KHK: variants seen among roughly 807,000 people sequenced by gnomAD.
The protein encoded by KHK is ketohexokinase, also known as fructokinase.
Under a neutral mutation model 36.0 loss-of-function variants are expected in KHK, and 37 were observed. That is an observed-to-expected ratio of 1.03 (90% confidence interval 0.79 to 1.35). The LOEUF (loss-of-function observed/expected upper bound fraction) is 1.35, where lower values mean the gene tolerates loss of function less well. Among genes scored for constraint, KHK ranks in the 40% most tolerant of loss-of-function variants. KHK has a pLI of 0.00. For synonymous variants in KHK, 161 were observed against 162.8 expected (o/e 0.99, Z 0.08); for missense variants, 395 against 391.9 (o/e 1.01, Z -0.07).
At chr2:27,094,301 C>T in intron 2 of KHK, 1 of 745,116 alleles carries the variant, frequency 1.3e-6, no homozygotes, top group Admixed American at 1.9e-5. Context: ...GCTCTGCACT[C>T]CTGCATCTCC....
intron 2 of KHK, among the ~76,000 whole-genome samples, chr2:27,093,370 G>A (rs1312527216): frequency 6.6e-6 from 1 of 152,166 alleles, no homozygotes; most frequent in Non-Finnish European, 1.5e-5. Context: ...CTGAGCTAGA[G>A]GCAGGACTGT....
At chr2:27,096,235 G>C (rs931289474) in intron 3 of KHK, among the ~76,000 whole-genome samples, 3 of 152,178 alleles carry the variant, frequency 2.0e-5, no homozygotes, top group Non-Finnish European at 4.4e-5. Flanking sequence ...GTGCTACCTT[G>C]ACCTCAGGGT....
chr2:27,095,232 G>C (rs140948100), intron 3 of KHK, among the ~76,000 whole-genome samples: 368 of 152,324 alleles, frequency 2.4e-3, no homozygotes, highest in African/African-American at 8.4e-3. Flanking sequence ...TTATTAAATC[G>C]TTAATCAGCA....
chr2:27,096,143 G>A (rs1158581586), intron 3 of KHK, among the ~76,000 whole-genome samples: 1 of 152,218 alleles, frequency 6.6e-6, no homozygotes. Flanking sequence ...GCTGAGTTGA[G>A]GTCTCTGGCT....
At chr2:27,098,492 A>AAT (rs1171310227) in intron 5 of KHK, among the ~76,000 whole-genome samples, 1 of 151,814 alleles carries the variant, frequency 6.6e-6, no homozygotes, top group Non-Finnish European at 1.5e-5. Context: ...AAAAAAAAAA[A>AAT]ATTCCTGGCA....
chr2:27,099,393 AC>A (rs1670639252), intron 6 of KHK, 26 bp from the exon 7 acceptor site: 1 of 1,612,386 alleles, frequency 6.2e-7, no homozygotes, highest in Non-Finnish European at 8.5e-7. Context: ...GTGGGCTAAC[AC>A]CCAGCTGAGT....
At chr2:27,088,210 G>C (rs1350150859) in intron 1 of KHK, among the ~76,000 whole-genome samples, 2 of 145,372 alleles carry the variant, frequency 1.4e-5, no homozygotes, top group Non-Finnish European at 3.0e-5. Context: ...AGACTCAAGT[G>C]ATCCTCCCAC....
At chr2:27,097,379 G>A in intron 4 of KHK, 124 bp from the exon 5 acceptor site, 1 of 1,213,466 alleles carries the variant, frequency 8.2e-7, no homozygotes, top group Non-Finnish European at 1.2e-6. Flanking sequence ...ATTTAGGATG[G>A]GGTTCTAGCC....
intron 5 of KHK, among the ~76,000 whole-genome samples, chr2:27,098,543 A>G (rs1477164181): frequency 4.0e-5 from 6 of 151,206 alleles, no homozygotes; most frequent in Non-Finnish European, 8.8e-5. Flanking sequence ...CAGGAGGCTG[A>G]GGCAGGAGGA....
At position 27,100,179 on chromosome 2, in the gene KHK, A is replaced by G; in HGVS notation, c.*429A>G. The G allele has an allele frequency of 2.2e-6, 1 of 464,174 alleles. No individual in the cohort carries two copies. Among genetic ancestry groups the G allele is most frequent in the East Asian group, 4.4e-5 (1 of 22,712 alleles). The allele number at this position is 464,174 out of a possible 1,614,324, so 28.8% of individuals were successfully genotyped here. ...GACACTCGGTGCCCCACACCCAGTG[A>G]ACCTGCCAAAGAAACCGTGAGAGCT... On this transcript the variant is annotated 3_prime_UTR_variant, in exon 8 of 8. Coordinates refer to ENST00000260598, the MANE Select transcript of KHK (RefSeq NM_006488.3).
Position 27,087,371 on chromosome 2 carries a change from C to G in KHK, c.92+20C>G, listed in dbSNP as rs1408322328. 4 of 1,549,864 alleles carry G rather than the reference C, an allele frequency of 2.6e-6. No homozygotes were observed. In the Admixed American group the frequency reaches 5.7e-5, roughly 22 times the overall value. ...GATAAGGTAGGGGCGCCCAGGTCCC[C>G]TAGGGGACCCCAGGGGCTGCTGCAG... On this transcript the variant is annotated intron_variant, in intron 1 of 7. Coordinates refer to ENST00000260598, the MANE Select transcript of KHK (RefSeq NM_006488.3).
At chr2:27,098,115 G>A (rs2148366000) in intron 5 of KHK, among the ~76,000 whole-genome samples, 1 of 152,298 alleles carries the variant, frequency 6.6e-6, no homozygotes, top group African/African-American at 2.4e-5. Flanking sequence ...AAGGCTGGAT[G>A]TAAATGGAAT....
Position 27,099,977 on chromosome 2 carries a change from C to T in KHK, c.*227C>T, listed in dbSNP as rs1480109401. ...AAATCTTCCTCAGAGCCAGCTTCTC[C>T]TCTCAATGTCTGAACTGCTCTGGCT... On this transcript the variant is annotated 3_prime_UTR_variant, in exon 8 of 8. Transcript: ENST00000260598. The T allele has an allele frequency of 1.1e-6, 1 of 893,016 alleles. No homozygotes were observed. Among genetic ancestry groups the T allele is most frequent in the African/African-American group, 2.1e-5 (1 of 48,674 alleles). 55.3% of individuals were successfully genotyped at this position (893,016 alleles called of 1,614,324 possible). A position where few individuals can be genotyped will look rare whatever the true frequency, so the allele number is the denominator to read the frequency against.
At chr2:27,088,994 A>T (rs1249302137) in intron 1 of KHK, among the ~76,000 whole-genome samples, 3 of 152,314 alleles carry the variant, frequency 2.0e-5, no homozygotes, top group Middle Eastern at 6.8e-3. Context: ...CTTTGGGGCC[A>T]CAAAGCACCA....
intron 2 of KHK, chr2:27,094,149 G>T (rs959104491): frequency 7.2e-6 from 3 of 417,348 alleles, no homozygotes; most frequent in East Asian, 5.5e-5. Flanking sequence ...CAGTGTACAG[G>T]TTCTAGGGTC....
At chr2:27,093,305 C>T (rs923432174) in intron 2 of KHK, among the ~76,000 whole-genome samples, 3 of 152,136 alleles carry the variant, frequency 2.0e-5, no homozygotes, top group Admixed American at 6.5e-5. Flanking sequence ...TGGGACAGGA[C>T]GGCTCAGAAC....
chr2:27,089,564 G>C (rs7561117), intron 1 of KHK, among the ~76,000 whole-genome samples: 1 of 152,198 alleles, frequency 6.6e-6, no homozygotes, highest in East Asian at 1.9e-4. Context: ...ACACTGATGG[G>C]GCAGGTTCTG....
At chr2:27,092,479 A>C in intron 2 of KHK, 31 bp downstream of exon 2, 1 of 1,477,730 alleles carries the variant, frequency 6.8e-7, no homozygotes, top group Non-Finnish European at 9.4e-7. Flanking sequence ...CCACTGGGGA[A>C]GGCCTGCCTG....
chr2:27,098,944 A>G, intron 5 of KHK: 1 of 480,938 alleles, frequency 2.1e-6, no homozygotes, highest in South Asian at 2.1e-5. Flanking sequence ...CACACCTGTA[A>G]TCCCAGAAAT....
Sources: gnomAD v4.1 joint callset for allele counts (sites outside exome capture counted in the v4.1 genomes callset) on GRCh38, gnomAD v4.1.1 for gene constraint, MANE v1.5 for transcripts, NCBI Gene and HGNC (gene_info 2026-07-23, HGNC 2026-07-21) for gene names.